Variants in DMXL1 observed in about 807,000 individuals in gnomAD.
DMXL1 encodes the protein dmX-like protein 1.
In DMXL1, 99 loss-of-function variants were observed where a neutral mutation model predicts 319.2. The ratio of observed to expected loss-of-function variants is 0.31; its 90% confidence interval spans 0.26 to 0.37. DMXL1 has a LOEUF of 0.37. Among genes scored for constraint, DMXL1 ranks in the 10% least tolerant of loss-of-function variants. The pLI is 1.00. For missense variants in DMXL1, 3,745 were observed against 3,595.6 expected (o/e 1.04, Z -1.06); for synonymous variants, 1,385 against 1,235.2 (o/e 1.12, Z -2.54).
At position 119,116,349 on chromosome 5, in the gene DMXL1, G is replaced by A. The variant is rs202064841; in HGVS notation, c.743+13G>A. ...AATATATGCCTAGGTCAGTGGATTG[G>A]TCATTTCCCTCCACATATTAAGGGA... On this transcript the variant is annotated intron_variant, in intron 7 of 43. Coordinates refer to ENST00000539542, the MANE Select transcript of DMXL1 (RefSeq NM_001290321.3). 131 of 1,608,302 alleles carry A rather than the reference G, an allele frequency of 8.1e-5. 1 individual carries two copies. In the South Asian group the frequency reaches 1.4e-3, roughly 17 times the overall value.
chr5:119,071,491 A>C lies in DMXL1; in HGVS notation c.-79A>C. 1 of 1,404,310 alleles carries C rather than the reference A, an allele frequency of 7.1e-7. No homozygotes were observed. Among genetic ancestry groups the C allele is most frequent in the Non-Finnish European group, 9.8e-7 (1 of 1,016,748 alleles). 87.0% of individuals were successfully genotyped at this position (1,404,310 alleles called of 1,614,324 possible). A position where few individuals can be genotyped will look rare whatever the true frequency, so the allele number is the denominator to read the frequency against. The stretch of plus-strand genomic sequence containing the variant: ...CACCGAAGAGCGGCCGCCGCCCCTG[A>C]GGGAAGGAGGGAGGGAAGCAGCCGC... On this transcript the variant is annotated 5_prime_UTR_variant, in exon 1 of 44. An upstream open reading frame in the 5' UTR loses its in-frame stop. Coordinates refer to ENST00000539542, the MANE Select transcript of DMXL1 (RefSeq NM_001290321.3).
chr5:119,207,474 G>A (rs1781948281), intron 34 of DMXL1, among the ~76,000 whole-genome samples: 1 of 152,076 alleles, frequency 6.6e-6, no homozygotes. Context: ...GTATAATTAT[G>A]AAAAAACTCC....
chr5:119,177,603 C>A lies in DMXL1; in HGVS notation c.6886+119C>A, dbSNP rs181964552. On this transcript the variant is annotated intron_variant, in intron 27 of 43. Transcript: ENST00000539542. ...TGTTAAATACTGTTAGAATTGATAC[C>A]AGTTAAGTATTCACCACTCATTCTG... The A allele has an allele frequency of 2.6e-5, 21 of 797,664 alleles. No homozygotes were observed. The Admixed American group carries it at 6.2e-4, about 23-fold the overall frequency. The allele number at this position is 797,664 out of a possible 1,614,324, so 49.4% of individuals were successfully genotyped here. A position where few individuals can be genotyped will look rare whatever the true frequency, so the allele number is the denominator to read the frequency against.
rs1769470342 is a variant in DMXL1 at position 119,150,249 on chromosome 5, A to G, written c.4422A>G (p.Ser1474=). ...ENTKPRVIDL[S]QYSPTYFGPE... ...CAAAGCCTAGAGTTATTGACCTTTC[A>G]CAGTACAGTCCGACTTACTTTGGAC... Residue 1474 remains serine, a synonymous_variant, in exon 18 of 44, where the codon TCA becomes TCG. Transcript: ENST00000539542. 1.9e-6 allele frequency: 3 copies of G among 1,613,886 alleles called. No homozygotes were observed. The highest frequency in any genetic ancestry group is 1.7e-6 in the Non-Finnish European group (2 of 1,179,844).
rs1195446732 is a variant in DMXL1, at chr5:119,248,462, T to C, written c.*1243T>C. On this transcript the variant is annotated 3_prime_UTR_variant, in exon 44 of 44. Coordinates refer to ENST00000539542, the MANE Select transcript of DMXL1 (RefSeq NM_001290321.3). ...TGATTCAGAATTATAGAAAACTTGATAAATACTTGATTTTAACCAATGAGA... is the reference window on the plus strand; with the variant it reads ...TGATTCAGAATTATAGAAAACTTGACAAATACTTGATTTTAACCAATGAGA... 6.6e-6 allele frequency: 1 copy of C among 152,538 alleles called. No individual in the cohort carries two copies. The highest frequency in any genetic ancestry group is 2.4e-5 in the African/African-American group (1 of 41,442). The allele number at this position is 152,538 out of a possible 1,614,324, so 9.4% of individuals were successfully genotyped here. A position where few individuals can be genotyped will look rare whatever the true frequency, so the allele number is the denominator to read the frequency against.
At position 119,152,016 on chromosome 5, in the gene DMXL1, G is replaced by C; in HGVS notation, c.4682G>C (p.Arg1561Pro). The C allele has an allele frequency of 1.2e-6, 2 of 1,611,180 alleles. No individual in the cohort carries two copies. Among genetic ancestry groups the C allele is most frequent in the Non-Finnish European group, 1.7e-6 (2 of 1,178,320 alleles). Reference protein sequence around the residue: ...TFLTTSLPAYRAQLLHQGLST... With the variant: ...TFLTTSLPAYPAQLLHQGLST... ...CTTACAACTTCCCTTCCAGCCTATC[G>C]AGCTCAACTCCTTCACCAAGGTGAT... The change falls in exon 19 of 44, where the codon CGA (arginine) becomes CCA (proline). Residue 1561 changes from arginine (R) to proline (P), a missense_variant. Coordinates refer to ENST00000539542, the MANE Select transcript of DMXL1 (RefSeq NM_001290321.3).
chr5:119,136,113 G>T (rs981518101), intron 13 of DMXL1, among the ~76,000 whole-genome samples: 8 of 152,222 alleles, frequency 5.3e-5, no homozygotes, highest in Non-Finnish European at 1.0e-4. Flanking sequence ...TGGAGATGAC[G>T]AACTTACTGG....
At chr5:119,221,829 C>A (rs1784696343) in intron 37 of DMXL1, among the ~76,000 whole-genome samples, 1 of 148,406 alleles carries the variant, frequency 6.7e-6, no homozygotes, top group African/African-American at 2.5e-5. Flanking sequence ...TTAAGTTAAG[C>A]AAAAAGCAAT....
chr5:119,143,806 G>T (rs1354208593), intron 13 of DMXL1, 35 bp from the exon 14 acceptor site: 1 of 1,385,272 alleles, frequency 7.2e-7, no homozygotes, highest in South Asian at 1.3e-5. Context: ...CATATGAATT[G>T]TTTAGTAAAT....
intron 21 of DMXL1, among the ~76,000 whole-genome samples, chr5:119,165,981 T>TA (rs1773358066): frequency 6.6e-6 from 1 of 152,222 alleles, no homozygotes; most frequent in African/African-American, 2.4e-5. Flanking sequence ...AACAGGCATT[T>TA]ACCTCTGCAC....
intron 29 of DMXL1, 92 bp downstream of exon 29, chr5:119,189,978 T>A: frequency 7.7e-7 from 1 of 1,302,134 alleles, no homozygotes; most frequent in East Asian, 2.4e-5. Flanking sequence ...TTCCAAATGT[T>A]TTCCCACTTT....
rs753028125 is a variant in DMXL1 at position 119,144,672 on chromosome 5, T to C, written c.2569+34T>C. Reference sequence around the variant, plus strand: ...GAATTATTTATGGAATGAGAAATACTATGTACAGTATGTTAGGCAGTTAAT... The same window carrying C: ...GAATTATTTATGGAATGAGAAATACCATGTACAGTATGTTAGGCAGTTAAT... On this transcript the variant is annotated intron_variant, in intron 15 of 43. Coordinates refer to ENST00000539542, the MANE Select transcript of DMXL1 (RefSeq NM_001290321.3). The C allele has an allele frequency of 1.2e-5, 16 of 1,308,674 alleles. No individual in the cohort carries two copies. The African/African-American group carries it at 2.0e-4, about 16-fold the overall frequency. The allele number at this position is 1,308,674 out of a possible 1,614,324, so 81.1% of individuals were successfully genotyped here. A position where few individuals can be genotyped will look rare whatever the true frequency, so the allele number is the denominator to read the frequency against.
At chr5:119,201,204 T>G (rs1780648474) in intron 32 of DMXL1, among the ~76,000 whole-genome samples, 1 of 152,212 alleles carries the variant, frequency 6.6e-6, no homozygotes, top group Non-Finnish European at 1.5e-5. Flanking sequence ...GGCTGTGGGT[T>G]TGTCATAGAT....
At chr5:119,198,702 A>G (rs770522563) in intron 32 of DMXL1, among the ~76,000 whole-genome samples, 3 of 152,240 alleles carry the variant, frequency 2.0e-5, no homozygotes, top group Non-Finnish European at 4.4e-5. Flanking sequence ...AGAACAAGGC[A>G]TCACATTACC....
At chr5:119,098,250 T>C in intron 2 of DMXL1, 146 bp downstream of exon 2, 1 of 791,212 alleles carries the variant, frequency 1.3e-6, no homozygotes, top group Admixed American at 3.1e-5. Flanking sequence ...CTGTCTAAGA[T>C]GCATTCTATA....
At chr5:119,242,208 T>C (rs780001806) in intron 42 of DMXL1, among the ~76,000 whole-genome samples, 2 of 152,178 alleles carry the variant, frequency 1.3e-5, no homozygotes, top group Non-Finnish European at 2.9e-5. Context: ...TCTCAAATCT[T>C]TAAAAAATGT....
In DMXL1 at chr5:119,203,329, C is replaced by T; in HGVS notation, c.7756C>T (p.His2586Tyr). 3.8e-6 allele frequency: 6 copies of T among 1,578,118 alleles called. No individual in the cohort carries two copies. Among genetic ancestry groups the T allele is most frequent in the Non-Finnish European group, 5.1e-6 (6 of 1,166,594 alleles). ...PTNTPFKSKH[H>Y]LALSVKRLWQ... ...TGTCTCTCTCTGTAGATCCAAACAC[C>T]ATCTGGCACTGTCTGTGAAGAGGCT... Residue 2586 changes from histidine to tyrosine, a missense_variant, in exon 33 of 44, where the codon CAT becomes TAT. Transcript: ENST00000539542.
intron 38 of DMXL1, among the ~76,000 whole-genome samples, chr5:119,227,548 T>A (rs1341705197): frequency 1.2e-4 from 18 of 152,092 alleles, no homozygotes. Flanking sequence ...AGTGATAGTC[T>A]TTACTCTTCT....
rs753375579 is a variant in DMXL1 at position 119,105,206 on chromosome 5, T to G, written c.312T>G (p.Ser104Arg). The G allele has an allele frequency of 1.9e-6, 3 of 1,612,976 alleles. No individual in the cohort carries two copies. Among genetic ancestry groups the G allele is most frequent in the African/African-American group, 2.7e-5 (2 of 74,900 alleles). Reference sequence around the variant, plus strand: ...AATTATATAGTCAGTGGCAGAAAAGTGGCCAATTTTTTCTGGAATCAATAG... The same window carrying G: ...AATTATATAGTCAGTGGCAGAAAAGGGGCCAATTTTTTCTGGAATCAATAG... The part of the protein sequence containing the change: ...NLELYSQWQK[S>R]GQFFLESIAH... The change falls in exon 4 of 44, where the codon AGT becomes AGG. Residue 104 changes from serine to arginine, a missense_variant. Ser to Arg is a moderately radical substitution (Grantham distance 110, BLOSUM62 -1). Transcript: ENST00000539542.
Sources: gnomAD v4.1 joint callset for allele counts (sites outside exome capture counted in the v4.1 genomes callset) on GRCh38, gnomAD v4.1.1 for gene constraint, MANE v1.5 for transcripts, NCBI Gene and HGNC (gene_info 2026-07-23, HGNC 2026-07-21) for gene names.